TMEM63B: variants seen among roughly 807,000 people sequenced by gnomAD.
TMEM63B encodes mechanosensitive cation channel TMEM63B.
Under a neutral mutation model 102.6 loss-of-function variants are expected in TMEM63B, and 23 were observed. That is an observed-to-expected ratio of 0.22 (90% CI 0.16 to 0.32). TMEM63B has a LOEUF of 0.32. Among genes scored for constraint, TMEM63B ranks in the 10% least tolerant of loss-of-function variants. TMEM63B has a pLI of 1.00. For missense variants in TMEM63B, 628 were observed against 1,095.9 expected, an observed-to-expected ratio of 0.57 and a Z score of 6.03; for synonymous variants, 444 against 437.0, an observed-to-expected ratio of 1.02 and a Z score of -0.20.
At position 44,140,370 on chromosome 6, in the gene TMEM63B, G is replaced by A; in HGVS notation, c.711+10G>A. 1.9e-6 allele frequency: 3 copies of A among 1,602,636 alleles called. No individual in the cohort carries two copies. The highest frequency in any genetic ancestry group is 2.6e-6 in the Non-Finnish European group (3 of 1,170,120). On this transcript the variant is annotated intron_variant, in intron 9 of 23. Coordinates refer to ENST00000323267, the MANE Select transcript of TMEM63B (RefSeq NM_018426.3). ...CAAGGAGGATGATCTGGTGCGTGGA[G>A]CAGAGCCCAGGTCCTGCCCCATCCC...
chr6:44,129,042 G>A (rs1242058536), intron 1 of TMEM63B, among the ~76,000 whole-genome samples: 1 of 152,208 alleles, frequency 6.6e-6, no homozygotes, highest in Non-Finnish European at 1.5e-5. Context: ...CTATTCTTCA[G>A]CTGTGTGACC....
chr6:44,133,573 C>A (rs932378668), intron 1 of TMEM63B, among the ~76,000 whole-genome samples: 4 of 152,220 alleles, frequency 2.6e-5, no homozygotes, highest in Admixed American at 1.3e-4. Flanking sequence ...CTGGGATCCT[C>A]CCCAGGGCCC....
Position 44,152,047 on chromosome 6 carries a change from C to T in TMEM63B, c.1836+39C>T, listed in dbSNP as rs771761852. The T allele has an allele frequency of 1.6e-5, 25 of 1,545,816 alleles. No individual in the cohort carries two copies. Among genetic ancestry groups the T allele is most frequent in the Non-Finnish European group, 2.1e-5 (24 of 1,149,936 alleles). Reference sequence around the variant, plus strand: ...GGGCAGCAGCGGCCCGCACAGCGCCCCCTGGTGGCCCAACAAGAAACAGCA... The same window carrying T: ...GGGCAGCAGCGGCCCGCACAGCGCCTCCTGGTGGCCCAACAAGAAACAGCA... On this transcript the variant is annotated intron_variant, in intron 19 of 23. Transcript: ENST00000323267. This position sits in a 1 kb window ranked among gnomAD's most constrained non-coding sequence, Gnocchi z 6.4.
At position 44,151,836 on chromosome 6, in the gene TMEM63B, G is replaced by C. The variant is rs747180165; in HGVS notation, c.1674-10G>C. ...CAAGGGTGCAGTGCTGGAGCACCTG[G>C]TGCCCGCAGGTGTGTGTTCCTGCCC... On this transcript the variant is annotated splice_polypyrimidine_tract_variant and intron_variant, in intron 18 of 23. Coordinates refer to ENST00000323267, the MANE Select transcript of TMEM63B (RefSeq NM_018426.3). 1 of 1,600,574 alleles carries C rather than the reference G, an allele frequency of 6.2e-7. No individual in the cohort carries two copies. The highest frequency in any genetic ancestry group is 2.2e-5 in the East Asian group (1 of 44,664).
In TMEM63B at chr6:44,138,139, C is replaced by T. The variant is rs528446666; in HGVS notation, c.370-341C>T. On this transcript the variant is annotated intron_variant, in intron 5 of 23. Transcript: ENST00000323267. ...GCAGCCATGTTGCAAACTTATTAGC[C>T]GGAGGTCTGGAGGTCCTGCTAACCT... Among the ~76,000 whole-genome samples the T allele has an allele frequency of 3.7e-3, 561 of 152,258 alleles. 3 individuals are homozygous for T. Among genetic ancestry groups the T allele is most frequent in the Non-Finnish European group, 6.9e-3 (469 of 68,022 alleles).
intron 21 of TMEM63B, 66 bp downstream of exon 21, chr6:44,153,909 CAGG>C (rs1479282419): frequency 1.2e-5 from 19 of 1,581,824 alleles, no homozygotes; most frequent in Non-Finnish European, 1.5e-5. Flanking sequence ...GAGCAGGCCA[CAGG>C]AGAAGCCGCA....
intron 1 of TMEM63B, among the ~76,000 whole-genome samples, chr6:44,131,734 A>ACC (rs147027033): frequency 3.1e-4 from 45 of 146,948 alleles, no homozygotes; most frequent in South Asian, 2.6e-3. Context: ...ATACACAACA[A>ACC]CCCCCCCAAA....
At chr6:44,143,560 G>C (rs1764725307) in intron 10 of TMEM63B, among the ~76,000 whole-genome samples, 2 of 124,698 alleles carry the variant, frequency 1.6e-5, no homozygotes, top group Non-Finnish European at 3.5e-5. Flanking sequence ...ATTGAAATCT[G>C]GTGTTTGTTG....
At chr6:44,147,550 G>A (rs765253688) in intron 12 of TMEM63B, 50 bp downstream of exon 12, 2 of 1,600,422 alleles carry the variant, frequency 1.2e-6, no homozygotes, top group Admixed American at 3.5e-5. Context: ...CAGGTCCTGG[G>A]CAGGCAAGGC....
chr6:44,137,785 G>A (rs1277975181), intron 5 of TMEM63B, among the ~76,000 whole-genome samples: 3 of 151,558 alleles, frequency 2.0e-5, no homozygotes, highest in East Asian at 1.9e-4. Context: ...TGCAACCTCC[G>A]CCTCCTGGGT....
At chr6:44,143,628 CT>C (rs1308571343) in intron 10 of TMEM63B, among the ~76,000 whole-genome samples, 1 of 152,052 alleles carries the variant, frequency 6.6e-6, no homozygotes, top group African/African-American at 2.4e-5. Context: ...TGCTATGTGC[CT>C]GCTTGGGGAG....
chr6:44,129,762 C>G (rs975087809), intron 1 of TMEM63B, among the ~76,000 whole-genome samples: 1 of 152,112 alleles, frequency 6.6e-6, no homozygotes, highest in East Asian at 1.9e-4. Flanking sequence ...TAAACCAACC[C>G]CTTTTATTCC....
rs1431391940 is a variant in TMEM63B at position 44,134,602 on chromosome 6, G to C, written c.18G>C (p.Leu6=). The C allele has an allele frequency of 9.9e-6, 16 of 1,613,956 alleles. 1 individual carries two copies. The highest frequency in any genetic ancestry group is 1.4e-5 in the Non-Finnish European group (16 of 1,180,008). The change falls in exon 2 of 24, where the codon CTG becomes CTC. Residue 6 remains leucine (L), a synonymous_variant. Transcript: ENST00000323267. The part of the protein sequence containing the change: MLPFL[L]ATLGTTALNN... ...TAGCAGCCATGCTGCCCTTTCTGCT[G>C]GCCACACTGGGCACCACAGCCCTCA...
rs938932868 is a variant in TMEM63B, at chr6:44,150,138, C to T, written c.1521-86C>T. 1.5e-5 allele frequency: 22 copies of T among 1,445,408 alleles called. No homozygotes were observed. Among genetic ancestry groups the T allele is most frequent in the Non-Finnish European group, 2.1e-5 (22 of 1,039,288 alleles). The allele number at this position is 1,445,408 out of a possible 1,614,324, so 89.5% of individuals were successfully genotyped here. A position where few individuals can be genotyped will look rare whatever the true frequency, so the allele number is the denominator to read the frequency against. ...GGAGGCCCACCCTTCCCAGGGGACACTCCTTGGACATTGTCCTTGTTGGGG... is the reference window on the plus strand; with the variant it reads ...GGAGGCCCACCCTTCCCAGGGGACATTCCTTGGACATTGTCCTTGTTGGGG... On this transcript the variant is annotated intron_variant, in intron 16 of 23. Transcript: ENST00000323267. The surrounding 1 kb of genome is among the most constrained non-coding windows in gnomAD (Gnocchi z 4.7).
intron 1 of TMEM63B, among the ~76,000 whole-genome samples, chr6:44,133,773 A>G (rs978327537): frequency 1.3e-5 from 2 of 152,244 alleles, no homozygotes; most frequent in African/African-American, 2.4e-5. Flanking sequence ...GCCAGTGGAA[A>G]AGCTTGCCGT....
intron 21 of TMEM63B, 30 bp downstream of exon 21, chr6:44,153,873 G>T (rs376849455): frequency 1.1e-5 from 17 of 1,602,820 alleles, no homozygotes; most frequent in Admixed American, 6.7e-5. Context: ...GGAACGGGGG[G>T]TGGCGAGCAG....
At position 44,138,489 on chromosome 6, in the gene TMEM63B, T is replaced by C. The variant is rs1198221210; in HGVS notation, c.379T>C (p.Ser127Pro). Residue 127 changes from serine to proline, a missense_variant, in exon 6 of 24, where the codon TCC becomes CCC. Physicochemically the swap from Ser to Pro is moderately conservative, Grantham distance 74 (BLOSUM62 -1). This residue lies in a region of TMEM63B where 336 missense variants were observed against 580.3 expected (regional missense o/e 0.58). Coordinates refer to ENST00000323267, the MANE Select transcript of TMEM63B (RefSeq NM_018426.3). ...CCCTCTGTTCCCCCAGGGTTTCTGTTCCTGGCTGACAGCCATCTTCAGGAT... is the reference window on the plus strand; with the variant it reads ...CCCTCTGTTCCCCCAGGGTTTCTGTCCCTGGCTGACAGCCATCTTCAGGAT... Reference protein sequence around the residue: ...DFDQRDNGFCSWLTAIFRIKD... With the variant: ...DFDQRDNGFCPWLTAIFRIKD... The C allele has an allele frequency of 6.2e-7, 1 of 1,613,950 alleles. No individual in the cohort carries two copies. Among genetic ancestry groups the C allele is most frequent in the Non-Finnish European group, 8.5e-7 (1 of 1,180,004 alleles).
intron 3 of TMEM63B, 31 bp from the exon 4 acceptor site, chr6:44,135,297 C>A: frequency 6.2e-7 from 1 of 1,607,060 alleles, no homozygotes; most frequent in East Asian, 2.2e-5. Context: ...CTCCCCCGCC[C>A]CTGCTAACCC....
At chr6:44,154,254 C>A (rs1767511473) in intron 22 of TMEM63B, 66 bp downstream of exon 22, 1 of 1,600,138 alleles carries the variant, frequency 6.2e-7, no homozygotes, top group African/African-American at 1.3e-5. Flanking sequence ...TGCAGAGGGC[C>A]ACAGGGCTGG....
Sources: allele counts gnomAD v4.1 joint callset (sites outside exome capture counted in the v4.1 genomes callset), GRCh38; gene constraint gnomAD v4.1.1; regional missense constraint gnomAD v4.1.1; non-coding constraint Gnocchi (gnomAD v3.1); transcripts MANE v1.5; gene names NCBI Gene and HGNC (gene_info 2026-07-23, HGNC 2026-07-21).